Variants in ODAD4 observed in about 807,000 individuals in gnomAD.
ODAD4 encodes outer dynein arm-docking complex subunit 4.
In ODAD4, 49 loss-of-function variants were observed where a neutral mutation model predicts 51.8. The ratio of observed to expected loss-of-function variants is 0.95; its 90% confidence interval spans 0.75 to 1.20. ODAD4 has a LOEUF of 1.20. ODAD4 is among the 50% of genes most tolerant of loss of function. The probability of loss-of-function intolerance (pLI) is 0.00; values close to 1 mark genes in which losing one functional copy is unlikely to be tolerated. For synonymous variants in ODAD4, 235 were observed against 221.3 expected (o/e 1.06, Z -0.55); for missense variants, 590 against 586.5 (o/e 1.01, Z -0.06).
chr17:41,936,937 A>C lies in ODAD4; in HGVS notation c.625+10A>C. On this transcript the variant is annotated intron_variant, in intron 5 of 11. Coordinates refer to ENST00000377540, the MANE Select transcript of ODAD4 (RefSeq NM_031421.5). Reference sequence around the variant, plus strand: ...CTCCTATTGGATGAAGGTTTCGGACACTTTGTTGGCACGGGGCCTTGGGGG... The same window carrying C: ...CTCCTATTGGATGAAGGTTTCGGACCCTTTGTTGGCACGGGGCCTTGGGGG... 7 of 1,612,398 alleles carry C rather than the reference A, an allele frequency of 4.3e-6. No individual in the cohort carries two copies. Among genetic ancestry groups the C allele is most frequent in the Non-Finnish European group, 5.9e-6 (7 of 1,178,656 alleles).
chr17:41,960,265 C>G (rs2050786997), intron 10 of ODAD4, among the ~76,000 whole-genome samples: 2 of 152,014 alleles, frequency 1.3e-5, no homozygotes, highest in African/African-American at 4.8e-5. Flanking sequence ...TCCAAGAGTT[C>G]TAGACCAGCC....
intron 1 of ODAD4, among the ~76,000 whole-genome samples, chr17:41,934,038 C>CTT (rs782039270): frequency 0.03 from 1,955 of 65,532 alleles, 366 homozygotes; most frequent in Middle Eastern, 0.097. Context: ...TTCTTTCTTT[C>CTT]TTTTTTTTTT....
chr17:41,956,060 T>C (rs1598089237), intron 10 of ODAD4, among the ~76,000 whole-genome samples: 1 of 150,212 alleles, frequency 6.7e-6, no homozygotes, highest in Admixed American at 6.7e-5. Flanking sequence ...TTTTTTTTTT[T>C]TTTTTTGAGA....
chr17:41,931,417 C>T (rs1555636817), intron 1 of ODAD4, among the ~76,000 whole-genome samples: 2 of 152,214 alleles, frequency 1.3e-5, no homozygotes, highest in Non-Finnish European at 2.9e-5. Context: ...TAACCGGCCT[C>T]CTTCCACAGA....
intron 9 of ODAD4, among the ~76,000 whole-genome samples, chr17:41,954,027 A>C (rs1206730845): frequency 1.3e-5 from 2 of 150,248 alleles, no homozygotes; most frequent in Non-Finnish European, 3.0e-5. Flanking sequence ...GCTCTGTCAC[A>C]CAGGCTGGAG....
chr17:41,965,066 G>T lies in ODAD4; in HGVS notation c.1602G>T (p.Lys534Asn). The T allele has an allele frequency of 1.3e-6, 1 of 759,008 alleles. No homozygotes were observed. Among genetic ancestry groups the T allele is most frequent in the Non-Finnish European group, 2.5e-6 (1 of 407,664 alleles). The allele number at this position is 759,008 out of a possible 1,614,324, so 47.0% of individuals were successfully genotyped here. ...DMRRVRDEPEKVVKQWDHSED... is the reference protein window; with the variant it reads ...DMRRVRDEPENVVKQWDHSED... Reference sequence around the variant, plus strand: ...GGAGAGTGAGAGATGAGCCCGAGAAGGTGGTGAAGCAGTGGGACCATAGTG... The same window carrying T: ...GGAGAGTGAGAGATGAGCCCGAGAATGTGGTGAAGCAGTGGGACCATAGTG... Residue 534 changes from lysine to asparagine, a missense_variant, in exon 12 of 12, where the codon AAG becomes AAT. Lys to Asn is a moderately conservative substitution (Grantham distance 94). Coordinates refer to ENST00000377540, the MANE Select transcript of ODAD4 (RefSeq NM_031421.5).
Position 41,930,661 on chromosome 17 carries a change from A to T in ODAD4, c.-63A>T, listed in dbSNP as rs1297603616. The T allele has an allele frequency of 1.8e-6, 2 of 1,095,536 alleles. No homozygotes were observed. Among genetic ancestry groups the T allele is most frequent in the African/African-American group, 1.6e-5 (1 of 64,230 alleles). 67.9% of individuals were successfully genotyped at this position (1,095,536 alleles called of 1,614,324 possible). On this transcript the variant is annotated 5_prime_UTR_variant, in exon 1 of 12. Coordinates refer to ENST00000377540, the MANE Select transcript of ODAD4 (RefSeq NM_031421.5). ...CTAAGAAACGGAGCTTCCACAAACC[A>T]GATAGAGGTTCTCCAGCTTTTCTTT...
At chr17:41,941,939 C>T (rs1286120500) in intron 7 of ODAD4, among the ~76,000 whole-genome samples, 1 of 152,130 alleles carries the variant, frequency 6.6e-6, no homozygotes, top group African/African-American at 2.4e-5. Context: ...TGAATGTGTG[C>T]TAAGTGACTG....
chr17:41,952,121 C>A (rs1330851058), intron 9 of ODAD4, among the ~76,000 whole-genome samples: 2 of 151,896 alleles, frequency 1.3e-5, no homozygotes, highest in African/African-American at 4.8e-5. Context: ...GTAATCCCTG[C>A]ACTTTGGGAG....
chr17:41,947,095 C>A (rs1315739052), intron 8 of ODAD4, among the ~76,000 whole-genome samples: 1 of 151,472 alleles, frequency 6.6e-6, no homozygotes, highest in Non-Finnish European at 1.5e-5. Context: ...GGTGATCCGC[C>A]CACCTCAGCC....
chr17:41,965,636 C>A lies in ODAD4; in HGVS notation c.*153C>A, dbSNP rs149214074. ...CACTATTTTGCCATTAAATAGGTGT[C>A]TTTCACTCTTGCAAACCCTGAGTCT... On this transcript the variant is annotated 3_prime_UTR_variant, in exon 12 of 12. Transcript: ENST00000377540. The A allele has an allele frequency of 3.4e-6, 2 of 594,980 alleles. No individual in the cohort carries two copies. Among genetic ancestry groups the A allele is most frequent in the African/African-American group, 3.7e-5 (2 of 53,896 alleles). The allele number at this position is 594,980 out of a possible 1,614,324, so 36.9% of individuals were successfully genotyped here. A position where few individuals can be genotyped will look rare whatever the true frequency, so the allele number is the denominator to read the frequency against.
chr17:41,941,626 G>T (rs781941442), intron 7 of ODAD4, among the ~76,000 whole-genome samples: 10 of 152,020 alleles, frequency 6.6e-5, no homozygotes, highest in African/African-American at 1.7e-4. Context: ...TTAGCCGGGC[G>T]TAGTGTTAGC....
intron 10 of ODAD4, among the ~76,000 whole-genome samples, chr17:41,956,150 C>T (rs1205231249): frequency 1.3e-5 from 2 of 149,576 alleles, no homozygotes; most frequent in Non-Finnish European, 3.0e-5. Flanking sequence ...CGGGTTCAAA[C>T]GATTCACCTG....
intron 7 of ODAD4, among the ~76,000 whole-genome samples, chr17:41,940,156 C>A (rs1192335482): frequency 6.6e-6 from 1 of 152,142 alleles, no homozygotes; most frequent in East Asian, 1.9e-4. Flanking sequence ...CAGTCTGAGC[C>A]TCCTTGATCT....
rs369168930 is a variant in ODAD4, at chr17:41,944,788, CA to C, written c.1059-337del. ...TGGGCAACAGAGTGAGACTCTGTCT[CA>C]AAAAAAAAAAGTAATTATTTTTAAT... On this transcript the variant is annotated intron_variant, in intron 7 of 11. Coordinates refer to ENST00000377540, the MANE Select transcript of ODAD4 (RefSeq NM_031421.5). Among the ~76,000 whole-genome samples, 661 of 141,652 alleles carry C rather than the reference CA, an allele frequency of 4.7e-3. 5 individuals are homozygous for C. The highest frequency in any genetic ancestry group is 0.015 in the African/African-American group (585 of 38,534). 92.9% of individuals were successfully genotyped at this position (141,652 alleles called of 152,430 possible). A position where few individuals can be genotyped will look rare whatever the true frequency, so the allele number is the denominator to read the frequency against.
intron 9 of ODAD4, among the ~76,000 whole-genome samples, chr17:41,950,273 A>G (rs1464384366): frequency 3.3e-5 from 5 of 151,654 alleles, no homozygotes; most frequent in Non-Finnish European, 7.4e-5. Context: ...CCCAGCCAGC[A>G]TTCTTGTATT....
At chr17:41,941,920 G>A (rs1209291753) in intron 7 of ODAD4, among the ~76,000 whole-genome samples, 1 of 152,122 alleles carries the variant, frequency 6.6e-6, no homozygotes, top group Non-Finnish European at 1.5e-5. Flanking sequence ...CCACACAGTG[G>A]GCATGTAATG....
At chr17:41,947,620 A>G (rs1249119092) in intron 8 of ODAD4, among the ~76,000 whole-genome samples, 1 of 148,578 alleles carries the variant, frequency 6.7e-6, no homozygotes, top group Non-Finnish European at 1.5e-5. Context: ...ACGTGGGGAA[A>G]CCCCGTCCCT....
chr17:41,955,097 G>T, intron 9 of ODAD4, 120 bp from the exon 10 acceptor site: 1 of 712,610 alleles, frequency 1.4e-6, no homozygotes, highest in Non-Finnish European at 2.6e-6. Flanking sequence ...GCCTGGGTCC[G>T]ACTACAGCTC....
Sources: gnomAD v4.1 joint callset for allele counts (sites outside exome capture counted in the v4.1 genomes callset) on GRCh38, gnomAD v4.1.1 for gene constraint, MANE v1.5 for transcripts, NCBI Gene and HGNC (gene_info 2026-07-23, HGNC 2026-07-21) for gene names.